Variants in SLC41A3 observed in about 807,000 individuals in gnomAD.
SLC41A3 encodes the protein SLC41A1-like 2.
Under a neutral mutation model 45.4 loss-of-function variants are expected in SLC41A3, and 44 were observed. The ratio of observed to expected loss-of-function variants is 0.97; its 90% CI spans 0.76 to 1.25. SLC41A3 has a LOEUF of 1.25. Ranked by LOEUF, SLC41A3 falls within the 50% of genes most tolerant of loss-of-function variation. The pLI is 0.00. For missense variants in SLC41A3, 550 were observed against 600.6 expected (o/e 0.92, Z 0.88); for synonymous variants, 256 against 252.4 (o/e 1.01, Z -0.13).
chr3:126,028,674 T>G (rs547558331), intron 4 of SLC41A3, among the ~76,000 whole-genome samples: 1 of 152,290 alleles, frequency 6.6e-6, no homozygotes, highest in Admixed American at 6.5e-5. Context: ...GACCCCAGAA[T>G]GGTAGCTCCA....
intron 1 of SLC41A3, among the ~76,000 whole-genome samples, chr3:126,098,563 TAAGGAAGG>T (rs982268213): frequency 6.6e-6 from 1 of 152,224 alleles, no homozygotes; most frequent in Non-Finnish European, 1.5e-5. Flanking sequence ...GACTAATCTC[TAAGGAAGG>T]AAGGATTCCC....
Position 126,016,772 on chromosome 3 carries a change from C to T in SLC41A3, c.849G>A (p.Lys283=), listed in dbSNP as rs1283477798. The T allele has an allele frequency of 6.2e-7, 1 of 1,612,530 alleles. No individual in the cohort carries two copies. Among genetic ancestry groups the T allele is most frequent in the South Asian group, 1.1e-5 (1 of 90,636 alleles). ...KQSPPIVKIL[K]FGWFPIILAM... is the part of the protein sequence containing the mutation. ...CCAGGATGATTGGGAACCAGCCAAACTTCAGGATCTTCACGATGGGTGGGC... is the reference window on the plus strand; with the variant it reads ...CCAGGATGATTGGGAACCAGCCAAATTTCAGGATCTTCACGATGGGTGGGC... Residue 283 remains lysine, a synonymous_variant, in exon 7 of 11, where the codon AAG becomes AAA. Transcript: ENST00000360370.
intron 6 of SLC41A3, among the ~76,000 whole-genome samples, chr3:126,019,148 G>A (rs960217425): frequency 6.6e-5 from 10 of 152,196 alleles, no homozygotes; most frequent in East Asian, 1.9e-4. Context: ...TGCAGAGTCC[G>A]GAGGTGGCGC....
chr3:126,085,207 T>G (rs188562023), upstream of SLC41A3, among the ~76,000 whole-genome samples: 18 of 152,328 alleles, frequency 1.2e-4, no homozygotes, highest in Non-Finnish European at 4.4e-5. Context: ...TAAATGAACT[T>G]AACTTGAAGT....
In SLC41A3 at chr3:126,067,937, T is replaced by A; in HGVS notation, c.273+10A>T. 1 of 1,575,020 alleles carries A rather than the reference T, an allele frequency of 6.3e-7. No individual in the cohort carries two copies. Among genetic ancestry groups the A allele is most frequent in the Non-Finnish European group, 8.6e-7 (1 of 1,160,822 alleles). On this transcript the variant is annotated intron_variant, in intron 2 of 10. Transcript: ENST00000360370. Reference sequence around the variant, plus strand: ...GCCCCGCTCCCTGTCCCCATTTAGTTCCCTCTTACCTGGAAATAGTCCAGA... The same window carrying A: ...GCCCCGCTCCCTGTCCCCATTTAGTACCCTCTTACCTGGAAATAGTCCAGA...
intron 1 of SLC41A3, among the ~76,000 whole-genome samples, chr3:126,093,947 A>G (rs1576389239): frequency 1.3e-5 from 2 of 152,220 alleles, no homozygotes; most frequent in Admixed American, 1.3e-4. Flanking sequence ...TGCGTGGCCA[A>G]TTCAACCTGC....
In SLC41A3 at chr3:126,026,347, C is replaced by T; in HGVS notation, c.586G>A (p.Ala196Thr). The change falls in exon 5 of 11, where the codon GCC becomes ACC. Residue 196 changes from alanine (A) to threonine (T), a missense_variant. Physicochemically the swap from Ala to Thr is moderately conservative, Grantham distance 58. Transcript: ENST00000360370. This position sits in a 1 kb window ranked among gnomAD's most constrained non-coding sequence, Gnocchi z 4.2. ...ASSVLTAFLA[A>T]FALGVLMVCI... is the part of the protein sequence containing the mutation. ...GGGCATGGCTCACCCAGGGCAAAGG[C>T]TGCAAGGAAGGCAGTGAGGACACTG... 6.4e-7 allele frequency: 1 copy of T among 1,564,720 alleles called. No individual in the cohort carries two copies. The highest frequency in any genetic ancestry group is 2.4e-5 in the East Asian group (1 of 42,378).
intron 1 of SLC41A3, among the ~76,000 whole-genome samples, chr3:126,075,813 C>T (rs969101112): frequency 2.6e-5 from 4 of 152,090 alleles, no homozygotes; most frequent in Admixed American, 2.0e-4. Flanking sequence ...TACCTCAAAC[C>T]ACATACAAAA....
chr3:126,099,796 T>G (rs531777595), intron 1 of SLC41A3, among the ~76,000 whole-genome samples: 49 of 152,358 alleles, frequency 3.2e-4, no homozygotes, highest in Non-Finnish European at 5.9e-4. Context: ...GCTCCAAAAC[T>G]TTATAACTGC....
rs1335293133 is a variant in SLC41A3 at position 126,006,453 on chromosome 3, A to C, written c.*563T>G. On this transcript the variant is annotated 3_prime_UTR_variant, in exon 11 of 11. Coordinates refer to ENST00000360370, the MANE Select transcript of SLC41A3 (RefSeq NM_017836.4). ...CAAACAAAAAGGAAAATAAAAAGAC[A>C]GCAAGGACACGATTAAATGTTGAGT... 2 of 1,613,692 alleles carry C rather than the reference A, an allele frequency of 1.2e-6. No individual in the cohort carries two copies.
In SLC41A3 at chr3:126,048,689, C is replaced by T. The variant is rs753978423; in HGVS notation, c.381+2254G>A. 5.6e-4 allele frequency among the ~76,000 whole-genome samples: 85 copies of T among 152,100 alleles called. No homozygotes were observed. The Middle Eastern group carries it at 0.01, about 18-fold the overall frequency. On this transcript the variant is annotated intron_variant, in intron 3 of 10. Transcript: ENST00000360370. Reference sequence around the variant, plus strand: ...TAAGAGTATCTTTGTAAGTCACATACGGGAGTTGAAGGCAAAACTAACAGA... The same window carrying T: ...TAAGAGTATCTTTGTAAGTCACATATGGGAGTTGAAGGCAAAACTAACAGA...
At chr3:126,052,851 C>T (rs1345948809) in intron 2 of SLC41A3, among the ~76,000 whole-genome samples, 13 of 152,202 alleles carry the variant, frequency 8.5e-5, no homozygotes, top group Admixed American at 8.5e-4. Flanking sequence ...CACCCTCTCC[C>T]TTCCGCAGCT....
chr3:126,038,289 C>T (rs1287976980), intron 3 of SLC41A3, among the ~76,000 whole-genome samples: 1 of 152,194 alleles, frequency 6.6e-6, no homozygotes, highest in Non-Finnish European at 1.5e-5. Context: ...AGGAGACCAC[C>T]ACCCTCCATA....
chr3:126,048,472 C>T (rs1383259738), intron 3 of SLC41A3, among the ~76,000 whole-genome samples: 1 of 152,140 alleles, frequency 6.6e-6, no homozygotes, highest in Non-Finnish European at 1.5e-5. Context: ...AACTGGCCTA[C>T]TTTACCATTT....
At chr3:126,034,877 T>C (rs190199776) in intron 3 of SLC41A3, among the ~76,000 whole-genome samples, 1 of 152,360 alleles carries the variant, frequency 6.6e-6, no homozygotes, top group East Asian at 1.9e-4. Flanking sequence ...AAATATTTTT[T>C]ATCATCTATA....
Position 126,044,895 on chromosome 3 carries a change from C to CAAAAAAAAAAAAAAAAAAAAAAAAAAAA in SLC41A3, c.381+6020_381+6047dup, listed in dbSNP as rs57581225. Among the ~76,000 whole-genome samples, 2 of 82,720 alleles carry CAAAAAAAAAAAAAAAAAAAAAAAAAAAA rather than the reference C, an allele frequency of 2.4e-5. 1 individual carries two copies. The highest frequency in any genetic ancestry group is 2.5e-4 in the Admixed American group (2 of 7,908). The allele number at this position is 82,720 out of a possible 152,430, so 54.3% of individuals were successfully genotyped here. ...TGGGCGACAGAGCGAGACTCCATCT[C>CAAAAAAAAAAAAAAAAAAAAAAAAAAAA]AAAAAAAAAAAAAAAAAAAAAAAAA... On this transcript the variant is annotated intron_variant, in intron 3 of 10. Coordinates refer to ENST00000360370, the MANE Select transcript of SLC41A3 (RefSeq NM_017836.4).
chr3:126,033,976 G>GCACACACAGC (rs1391371604), intron 3 of SLC41A3, among the ~76,000 whole-genome samples: 1 of 151,916 alleles, frequency 6.6e-6, no homozygotes. Flanking sequence ...ACACACACAG[G>GCACACACAGC]CACACACAGC....
intron 2 of SLC41A3, chr3:126,056,517 A>G: frequency 1.9e-6 from 3 of 1,614,126 alleles, no homozygotes; most frequent in Non-Finnish European, 2.5e-6. Context: ...TCTTGCCCTG[A>G]AAGCAAAACT....
chr3:126,047,585 G>A (rs1026574342), intron 3 of SLC41A3, among the ~76,000 whole-genome samples: 2 of 152,124 alleles, frequency 1.3e-5, no homozygotes, highest in African/African-American at 4.8e-5. Flanking sequence ...AAATATCCTG[G>A]AAATAAACCC....
Sources: allele counts gnomAD v4.1 joint callset (sites outside exome capture counted in the v4.1 genomes callset), GRCh38; gene constraint gnomAD v4.1.1; non-coding constraint Gnocchi (gnomAD v3.1); transcripts MANE v1.5; gene names NCBI Gene and HGNC (gene_info 2026-07-23, HGNC 2026-07-21).